The following THSD7A variants were observed in gnomAD, a reference collection of about 807,000 sequenced individuals.
THSD7A encodes the protein thrombospondin type-1 domain-containing protein 7A.
A neutral mutation model predicts 231.3 loss-of-function variants in THSD7A; 96 were observed. That is an observed-to-expected ratio of 0.41 (90% confidence interval 0.35 to 0.49). The LOEUF is 0.49. THSD7A is among the 20% of genes least tolerant of loss of function. The pLI is 0.05. For missense variants in THSD7A, 2,290 were observed against 2,070.2 expected (o/e 1.11, Z -2.06); for synonymous variants, 940 against 743.3 (o/e 1.26, Z -4.30).
chr7:11,826,155 C>T (rs1376314667), intron 1 of THSD7A, among the ~76,000 whole-genome samples: 1 of 152,170 alleles, frequency 6.6e-6, no homozygotes, highest in African/African-American at 2.4e-5. Flanking sequence ...AAAGGACACA[C>T]TGACTGTCAG....
At chr7:11,753,462 T>A (rs939456721) in intron 1 of THSD7A, among the ~76,000 whole-genome samples, 3 of 151,942 alleles carry the variant, frequency 2.0e-5, no homozygotes, top group African/African-American at 7.2e-5. Context: ...GTGTTAAAAT[T>A]TGCTATAGCT....
At chr7:11,674,496 A>G (rs1783553359) in intron 1 of THSD7A, among the ~76,000 whole-genome samples, 1 of 152,142 alleles carries the variant, frequency 6.6e-6, no homozygotes, top group Non-Finnish European at 1.5e-5. Context: ...ATTCATCCTG[A>G]ATTACACCAC....
Position 11,375,814 on chromosome 7 carries a change from C to G in THSD7A, c.4954G>C (p.Asp1652His). The G allele has an allele frequency of 6.2e-7, 1 of 1,612,610 alleles. No homozygotes were observed. Among genetic ancestry groups the G allele is most frequent in the Non-Finnish European group, 8.5e-7 (1 of 1,178,986 alleles). ...ATATGTTACATGTCGGCATCTCCAT[C>G]ATAGGCTAAGGTTAAAGGTTTCAGT... ...NRLKPLTLAYDGDADM is the reference protein window; with the variant it reads ...NRLKPLTLAYHGDADM Residue 1652 changes from aspartate (D) to histidine (H), a missense_variant, in exon 28 of 28, where the codon GAT becomes CAT. Asp to His is a moderately conservative substitution (Grantham distance 81). Transcript: ENST00000423059.
intron 1 of THSD7A, among the ~76,000 whole-genome samples, chr7:11,775,422 T>A (rs1356817835): frequency 6.6e-6 from 1 of 152,094 alleles, no homozygotes; most frequent in African/African-American, 2.4e-5. Flanking sequence ...TTCACAATAG[T>A]CCAAAAGTGG....
chr7:11,375,858 T>C lies in THSD7A; in HGVS notation c.4910A>G (p.Gln1637Arg), dbSNP rs1782249568. 6.2e-7 allele frequency: 1 copy of C among 1,612,614 alleles called. No individual in the cohort carries two copies. Among genetic ancestry groups the C allele is most frequent in the African/African-American group, 1.3e-5 (1 of 74,822 alleles). ...YLACKKPKKP[Q>R]RRQNNRLKPL... is the part of the protein sequence containing the mutation. The stretch of plus-strand genomic sequence containing the variant: ...TTTCAGTCGGTTGTTTTGCCTTCTT[T>C]GGGGTTTCTTTGGCTTTTTGCTGTA... Residue 1637 changes from glutamine to arginine, a missense_variant, in exon 28 of 28, where the codon CAA becomes CGA. Physicochemically the swap from Gln to Arg is conservative, Grantham distance 43. Transcript: ENST00000423059.
In THSD7A at chr7:11,694,586, G is replaced by T. The variant is rs148246575; in HGVS notation, c.191-57625C>A. ...TCTCACCAAATCAATATAAGGTAGT[G>T]GTGAAGCCTTTATAATTTTGAAGGA... On this transcript the variant is annotated intron_variant, in intron 1 of 27. Coordinates refer to ENST00000423059, the MANE Select transcript of THSD7A (RefSeq NM_015204.3). Among the ~76,000 whole-genome samples the T allele has an allele frequency of 3.6e-3, 552 of 151,528 alleles. 1 individual carries two copies. Among genetic ancestry groups the T allele is most frequent in the African/African-American group, 0.013 (527 of 41,418 alleles).
At chr7:11,827,727 TAAACTGAGTC>T (rs1195868847) in intron 1 of THSD7A, among the ~76,000 whole-genome samples, 1 of 152,228 alleles carries the variant, frequency 6.6e-6, no homozygotes, top group East Asian at 1.9e-4. Flanking sequence ...CTCCTTCTCC[TAAACTGAGTC>T]ACCCATTCAC....
In THSD7A at chr7:11,622,926, T is replaced by G. The variant is rs578192883; in HGVS notation, c.1022+13204A>C. ...ATCCCTTAGAAAGGCTTTAGAGATA[T>G]CTTCATAGTTGTGGGAGAAAATAAA... On this transcript the variant is annotated intron_variant, in intron 2 of 27. Coordinates refer to ENST00000423059, the MANE Select transcript of THSD7A (RefSeq NM_015204.3). Among the ~76,000 whole-genome samples, 9 of 152,136 alleles carry G rather than the reference T, an allele frequency of 5.9e-5. No individual in the cohort carries two copies. The East Asian group carries it at 1.5e-3, about 26-fold the overall frequency.
chr7:11,407,279 CTAATA>C, intron 20 of THSD7A, 22 bp downstream of exon 20: 1 of 1,564,762 alleles, frequency 6.4e-7, no homozygotes, highest in South Asian at 1.1e-5. Context: ...GACCAGTAGC[CTAATA>C]TAAGTTATGG....
chr7:11,701,739 T>G (rs1312337579), intron 1 of THSD7A, among the ~76,000 whole-genome samples: 1 of 151,126 alleles, frequency 6.6e-6, no homozygotes, highest in Non-Finnish European at 1.5e-5. Flanking sequence ...TGAGCCACAT[T>G]TTAAGTTACA....
chr7:11,636,558 A>G lies in THSD7A; in HGVS notation c.594T>C (p.Ser198=). The part of the protein sequence containing the change: ...LIPCQQDCIV[S]EFSAWSECSK... ...AGCATTCGGACCAGGCAGAAAATTC[A>G]GACACGATGCAATCTTGCTGGCAAG... is the stretch of plus-strand genomic sequence containing the variant. The change falls in exon 2 of 28, where the codon TCT becomes TCC. Residue 198 remains serine, a synonymous_variant. Transcript: ENST00000423059. This position sits in a 1 kb window ranked among gnomAD's most constrained non-coding sequence, Gnocchi z 10.0. 4 of 1,613,964 alleles carry G rather than the reference A, an allele frequency of 2.5e-6. No homozygotes were observed. Among genetic ancestry groups the G allele is most frequent in the South Asian group, 1.1e-5 (1 of 91,078 alleles).
chr7:11,430,241 C>A (rs1463533297), intron 13 of THSD7A, among the ~76,000 whole-genome samples: 2 of 152,080 alleles, frequency 1.3e-5, no homozygotes, highest in East Asian at 1.9e-4. Context: ...ATAAAAATAA[C>A]CCCATGTTTT....
intron 1 of THSD7A, among the ~76,000 whole-genome samples, chr7:11,700,657 C>T (rs1455718246): frequency 1.3e-5 from 2 of 151,144 alleles, no homozygotes; most frequent in Non-Finnish European, 3.0e-5. Context: ...ACTAAATCAT[C>T]TCTCACAATC....
chr7:11,826,386 A>G (rs1785026803), intron 1 of THSD7A, among the ~76,000 whole-genome samples: 1 of 152,232 alleles, frequency 6.6e-6, no homozygotes, highest in South Asian at 2.1e-4. Context: ...ACAGAAGTTG[A>G]TAAAAGTTTA....
At chr7:11,685,442 A>T (rs1038646692) in intron 1 of THSD7A, among the ~76,000 whole-genome samples, 2 of 152,032 alleles carry the variant, frequency 1.3e-5, no homozygotes, top group Non-Finnish European at 2.9e-5. Flanking sequence ...CAGACAACAT[A>T]CAGAAAGAGT....
In THSD7A at chr7:11,831,024, T is replaced by C. The variant is rs1481780534; in HGVS notation, c.190+733A>G. ...TTGGTAATTCCTCACTCCGTATTGT[T>C]TTCCTGCCTGTCACGGCCCCCGCCA... is the stretch of plus-strand genomic sequence containing the variant. On this transcript the variant is annotated intron_variant, in intron 1 of 27. Coordinates refer to ENST00000423059, the MANE Select transcript of THSD7A (RefSeq NM_015204.3). This position sits in a 1 kb window ranked among gnomAD's most constrained non-coding sequence, Gnocchi z 5.0. 1.3e-5 allele frequency among the ~76,000 whole-genome samples: 2 copies of C among 152,206 alleles called. No individual in the cohort carries two copies. The highest frequency in any genetic ancestry group is 6.5e-5 in the Admixed American group (1 of 15,286).
At chr7:11,601,379 C>T (rs1312732349) in intron 2 of THSD7A, among the ~76,000 whole-genome samples, 2 of 152,086 alleles carry the variant, frequency 1.3e-5, no homozygotes, top group East Asian at 3.9e-4. Flanking sequence ...AAAATATCTC[C>T]TGAGATAAAT....
In THSD7A at chr7:11,423,355, G is replaced by T. The variant is rs550840460; in HGVS notation, c.3383+1341C>A. On this transcript the variant is annotated intron_variant, in intron 16 of 27. Coordinates refer to ENST00000423059, the MANE Select transcript of THSD7A (RefSeq NM_015204.3). Reference sequence around the variant, plus strand: ...AAGAATGAACTTCTTCATAACATGGGTTGCCGAGTGCTGGATTTTTTTTTT... The same window carrying T: ...AAGAATGAACTTCTTCATAACATGGTTTGCCGAGTGCTGGATTTTTTTTTT... 2.7e-3 allele frequency among the ~76,000 whole-genome samples: 404 copies of T among 149,386 alleles called. 1 individual carries two copies. Among genetic ancestry groups the T allele is most frequent in the African/African-American group, 9.8e-3 (395 of 40,304 alleles).
chr7:11,776,334 T>C (rs1583281311), intron 1 of THSD7A, among the ~76,000 whole-genome samples: 1 of 152,298 alleles, frequency 6.6e-6, no homozygotes. Flanking sequence ...ATGAAATCAG[T>C]CCCAGTAATG....
Sources: allele counts gnomAD v4.1 joint callset (sites outside exome capture counted in the v4.1 genomes callset), GRCh38; gene constraint gnomAD v4.1.1; non-coding constraint Gnocchi (gnomAD v3.1); transcripts MANE v1.5; gene names NCBI Gene and HGNC (gene_info 2026-07-23, HGNC 2026-07-21).